Variants in CLPB observed in about 807,000 individuals in gnomAD.
CLPB encodes mitochondrial disaggregase.
In CLPB, 40 loss-of-function variants were observed where a neutral mutation model predicts 78.4. The ratio of observed to expected loss-of-function variants is 0.51; its 90% CI spans 0.40 to 0.66. CLPB has a LOEUF of 0.66. Ranked by LOEUF, CLPB falls within the 30% of genes least tolerant of loss-of-function variation. The pLI, the probability that CLPB is intolerant of heterozygous loss-of-function variation, is 0.00. For synonymous variants in CLPB, 333 were observed against 348.0 expected, an observed-to-expected ratio of 0.96 and a Z score of 0.48; for missense variants, 780 against 886.9, an observed-to-expected ratio of 0.88 and a Z score of 1.53.
At position 72,295,586 on chromosome 11, in the gene CLPB, G is replaced by C. The variant is rs1315933008; in HGVS notation, c.1392C>G (p.Thr464=). 4 of 1,614,048 alleles carry C rather than the reference G, an allele frequency of 2.5e-6. No homozygotes were observed. ...IDCKDAIFIM[T]SNVASDEIAQ... ...CGATCTCGTCGCTGGCCACATTGGA[G>C]GTCATGATGAAGATGGCGTCCTTGC... is the stretch of plus-strand genomic sequence containing the variant. The change falls in exon 12 of 16, where the codon ACC becomes ACG. Residue 464 remains threonine (T), a synonymous_variant. Transcript: ENST00000538039.
In CLPB at chr11:72,401,940, A is replaced by C. The variant is rs142575046; in HGVS notation, c.542+1026T>G. On this transcript the variant is annotated intron_variant, in intron 3 of 15. Coordinates refer to ENST00000538039, the MANE Select transcript of CLPB (RefSeq NM_001258392.3). Reference sequence around the variant, plus strand: ...CACTAGGCTGGTATCTGGCATCGGGAGGTAGCAGTGAGATAAAGTAAAAAA... The same window carrying C: ...CACTAGGCTGGTATCTGGCATCGGGCGGTAGCAGTGAGATAAAGTAAAAAA... Among the ~76,000 whole-genome samples, 46 of 152,278 alleles carry C rather than the reference A, an allele frequency of 3.0e-4. No homozygotes were observed. In the East Asian group the frequency reaches 7.7e-3, roughly 26 times the overall value.
chr11:72,324,705 C>T (rs1950101748), intron 6 of CLPB, among the ~76,000 whole-genome samples: 1 of 152,222 alleles, frequency 6.6e-6, no homozygotes, highest in Admixed American at 6.5e-5. Context: ...ACATGGCAAG[C>T]TGGCACCTGT....
chr11:72,380,230 T>A (rs1485199399), intron 4 of CLPB, 51 bp downstream of exon 4: 3 of 1,391,360 alleles, frequency 2.2e-6, no homozygotes, highest in Non-Finnish European at 3.1e-6. Flanking sequence ...CAAGGCTGCA[T>A]GAAAGCCACA....
chr11:72,434,322 G>C lies in CLPB; in HGVS notation c.153C>G (p.Ala51=), dbSNP rs747989747. 2 of 1,612,268 alleles carry C rather than the reference G, an allele frequency of 1.2e-6. No individual in the cohort carries two copies. Among genetic ancestry groups the C allele is most frequent in the East Asian group, 4.5e-5 (2 of 44,882 alleles). ...GCGATGTTCCAGGGCGCCCCCCGGTGGCTACCCTCAGCCACTGCGGCTCCC... is the reference window on the plus strand; with the variant it reads ...GCGATGTTCCAGGGCGCCCCCCGGTCGCTACCCTCAGCCACTGCGGCTCCC... The part of the protein sequence containing the change: ...SLGEPQWLRV[A]TGGRPGTSPA... The change falls in exon 1 of 16, where the codon GCC becomes GCG. Residue 51 remains alanine (A), a synonymous_variant. Coordinates refer to ENST00000538039, the MANE Select transcript of CLPB (RefSeq NM_001258392.3).
At chr11:72,395,892 T>A (rs1327273286) in intron 3 of CLPB, among the ~76,000 whole-genome samples, 1 of 152,156 alleles carries the variant, frequency 6.6e-6, no homozygotes, top group Admixed American at 6.5e-5. Context: ...AGCTGCAAGA[T>A]TAGCATCTGC....
chr11:72,371,562 A>G (rs1023993457), intron 4 of CLPB, among the ~76,000 whole-genome samples: 2 of 150,570 alleles, frequency 1.3e-5, no homozygotes, highest in African/African-American at 4.9e-5. Flanking sequence ...ATAAAATAAA[A>G]TAAAATAAAA....
At chr11:72,344,205 C>T (rs137979533) in intron 5 of CLPB, among the ~76,000 whole-genome samples, 1 of 152,174 alleles carries the variant, frequency 6.6e-6, no homozygotes, top group Non-Finnish European at 1.5e-5. Context: ...TTCTTTTCTA[C>T]CTTAAAAAAA....
Position 72,293,483 on chromosome 11 carries a change from G to C in CLPB, c.1918C>G (p.Gln640Glu). Residue 640 changes from glutamine (Q) to glutamate (E), a missense_variant, in exon 16 of 16, where the codon CAG (glutamine) becomes GAG (glutamate). Physicochemically the swap from Gln to Glu is conservative, Grantham distance 29. This residue lies in a region of CLPB where 272 missense variants were observed against 304.0 expected (regional missense o/e 0.89). Transcript: ENST00000538039. ...AGCTTGGGGAGGCGCTTCTCAGCCT[G>C]GGGTGAGGGCAGTTCTGGGCTTTTG... ...LLKSPELPSPQAEKRLPKLRL... is the reference protein window; with the variant it reads ...LLKSPELPSPEAEKRLPKLRL... 2 of 1,614,158 alleles carry C rather than the reference G, an allele frequency of 1.2e-6. No individual in the cohort carries two copies. The highest frequency in any genetic ancestry group is 1.7e-6 in the Non-Finnish European group (2 of 1,180,016).
At chr11:72,375,451 C>G (rs1854659248) in intron 4 of CLPB, among the ~76,000 whole-genome samples, 1 of 152,186 alleles carries the variant, frequency 6.6e-6, no homozygotes, top group African/African-American at 2.4e-5. Flanking sequence ...CTCCCTAACC[C>G]CCACCCAACG....
chr11:72,361,918 CTATACACAGGGTACT>C (rs1950846444), intron 4 of CLPB, among the ~76,000 whole-genome samples: 1 of 152,178 alleles, frequency 6.6e-6, no homozygotes, highest in African/African-American at 2.4e-5. Flanking sequence ...AATGACAGAG[CTATACACAGGGTACT>C]TACCATAAAC....
intron 12 of CLPB, among the ~76,000 whole-genome samples, chr11:72,295,042 C>T (rs504217): frequency 0.17 from 26,561 of 152,148 alleles, 3,719 homozygotes; most frequent in African/African-American, 0.39. Context: ...AGCTTCCTGC[C>T]GGATGTGCTC....
At chr11:72,392,855 T>C (rs1051659714) in intron 3 of CLPB, among the ~76,000 whole-genome samples, 7 of 152,230 alleles carry the variant, frequency 4.6e-5, no homozygotes, top group African/African-American at 1.4e-4. Flanking sequence ...CTAAACCACG[T>C]TGGCTCTCAC....
intron 6 of CLPB, among the ~76,000 whole-genome samples, chr11:72,320,612 G>C (rs944584825): frequency 6.6e-6 from 1 of 152,166 alleles, no homozygotes; most frequent in Non-Finnish European, 1.5e-5. Context: ...CTGAGATTAA[G>C]CCAGGCAGGC....
chr11:72,380,395 T>G lies in CLPB; in HGVS notation c.543-11A>C. 6.2e-7 allele frequency: 1 copy of G among 1,610,290 alleles called. No homozygotes were observed. The highest frequency in any genetic ancestry group is 2.2e-5 in the East Asian group (1 of 44,850). On this transcript the variant is annotated splice_polypyrimidine_tract_variant and intron_variant, in intron 3 of 15. Transcript: ENST00000538039. ...AGGACCTGTACCACACTAGAAGAAA[T>G]CACAAAGACAGAAGTGTCAAAAGCA...
chr11:72,418,854 C>CAAAAAAAAAA (rs913728201), intron 2 of CLPB, among the ~76,000 whole-genome samples: 1 of 75,244 alleles, frequency 1.3e-5, no homozygotes, highest in Non-Finnish European at 2.8e-5. Flanking sequence ...ACTCCATCTC[C>CAAAAAAAAAA]AAAAAAAAAA....
chr11:72,342,191 A>C (rs1950432879), intron 5 of CLPB, among the ~76,000 whole-genome samples: 1 of 152,240 alleles, frequency 6.6e-6, no homozygotes, highest in Admixed American at 6.5e-5. Context: ...CGGAATATTA[A>C]GCATCAACAA....
In CLPB at chr11:72,294,435, G is replaced by A. The variant is rs200299650; in HGVS notation, c.1570C>T (p.Arg524Trp). The part of the protein sequence containing the change: ...VIRPILKAHF[R>W]RDEFLGRINE... ...ATCCGTCCCAGAAACTCATCCCTCCGGAAGTGAGCCTGAAGGGCCAGGTTA... is the reference window on the plus strand; with the variant it reads ...ATCCGTCCCAGAAACTCATCCCTCCAGAAGTGAGCCTGAAGGGCCAGGTTA... Residue 524 changes from arginine (R) to tryptophan (W), a missense_variant, in exon 14 of 16, where the codon CGG (arginine) becomes TGG (tryptophan). This residue lies in a region of CLPB where 272 missense variants were observed against 304.0 expected (regional missense o/e 0.89). Coordinates refer to ENST00000538039, the MANE Select transcript of CLPB (RefSeq NM_001258392.3). 111 of 1,614,012 alleles carry A rather than the reference G, an allele frequency of 6.9e-5. No homozygotes were observed. The highest frequency in any genetic ancestry group is 6.6e-4 in the Middle Eastern group (4 of 6,084).
chr11:72,311,077 A>G (rs986490372), intron 7 of CLPB: 3 of 152,214 alleles, frequency 2.0e-5, no homozygotes, highest in Non-Finnish European at 4.4e-5. Context: ...AATGCCAACC[A>G]TTAAGCAATT....
intron 5 of CLPB, among the ~76,000 whole-genome samples, chr11:72,332,506 G>A (rs576208143): frequency 5.9e-5 from 9 of 151,688 alleles, no homozygotes; most frequent in African/African-American, 2.2e-4. Context: ...GAAAGGAAAG[G>A]AAAAAGGAAA....
Sources: allele counts gnomAD v4.1 joint callset (sites outside exome capture counted in the v4.1 genomes callset), GRCh38; gene constraint gnomAD v4.1.1; regional missense constraint gnomAD v4.1.1; transcripts MANE v1.5; gene names NCBI Gene and HGNC (gene_info 2026-07-23, HGNC 2026-07-21).